SLCO3A1: variants seen among roughly 807,000 people sequenced by gnomAD.
The protein encoded by SLCO3A1 is solute carrier organic anion transporter family member 3A1, also known as PGE1 transporter.
SLCO3A1 carries 27 observed loss-of-function variants against 63.1 expected under a neutral mutation model. That is an observed-to-expected ratio of 0.43 (90% CI 0.32 to 0.59). SLCO3A1 has a LOEUF of 0.59. Ranked by LOEUF, SLCO3A1 falls within the 20% of genes least tolerant of loss-of-function variation. The probability of loss-of-function intolerance (pLI) is 0.09; values close to 1 mark genes in which losing one functional copy is unlikely to be tolerated. For synonymous variants in SLCO3A1, 473 were observed against 409.9 expected (o/e 1.15, Z -1.86); for missense variants, 773 against 945.8 (o/e 0.82, Z 2.40).
chr15:91,939,455 G>C (rs936449044), intron 2 of SLCO3A1, among the ~76,000 whole-genome samples: 1 of 152,166 alleles, frequency 6.6e-6, no homozygotes, highest in African/African-American at 2.4e-5. Flanking sequence ...GAAGAATGTG[G>C]TTCTGCAGCA....
Position 91,875,269 on chromosome 15 carries a change from A to G in SLCO3A1, c.180+21181A>G, listed in dbSNP as rs896385261. On this transcript the variant is annotated intron_variant, in intron 1 of 9. Coordinates refer to ENST00000318445, the MANE Select transcript of SLCO3A1 (RefSeq NM_013272.4). This position sits in a 1 kb window ranked among gnomAD's most constrained non-coding sequence, Gnocchi z 4.5. Reference sequence around the variant, plus strand: ...GTCCCACATTGTAGCTCATTGTAGGAGATCCTAGTTGCACTTCTGTTATGA... The same window carrying G: ...GTCCCACATTGTAGCTCATTGTAGGGGATCCTAGTTGCACTTCTGTTATGA... 4.6e-5 allele frequency among the ~76,000 whole-genome samples: 7 copies of G among 152,112 alleles called. No individual in the cohort carries two copies. Among genetic ancestry groups the G allele is most frequent in the African/African-American group, 1.7e-4 (7 of 41,400 alleles).
chr15:91,963,633 C>T lies in SLCO3A1; in HGVS notation c.646+47175C>T, dbSNP rs1032086939. On this transcript the variant is annotated intron_variant, in intron 2 of 9. Coordinates refer to ENST00000318445, the MANE Select transcript of SLCO3A1 (RefSeq NM_013272.4). ...CTTCAAGAATGAAGCCGTGGACCTT[C>T]GCGGTGAGTGTTACAGTTCTTAAAG... Among the ~76,000 whole-genome samples the T allele has an allele frequency of 4.6e-5, 7 of 152,248 alleles. No homozygotes were observed. In the South Asian group the frequency reaches 6.2e-4, roughly 14 times the overall value.
intron 8 of SLCO3A1, 102 bp from the exon 9 acceptor site, chr15:92,150,844 TAAAG>T (rs1398847381): frequency 1.4e-6 from 1 of 698,894 alleles, no homozygotes; most frequent in African/African-American, 1.8e-5. Context: ...AGTAATTTTC[TAAAG>T]AAGAGCTCTG....
intron 2 of SLCO3A1, among the ~76,000 whole-genome samples, chr15:92,014,836 G>GGA (rs1350277516): frequency 2.0e-5 from 3 of 152,124 alleles, no homozygotes. Context: ...GGCTTGGCAA[G>GGA]GAGACAGAGT....
chr15:91,989,706 A>G (rs1456675611), intron 2 of SLCO3A1, among the ~76,000 whole-genome samples: 1 of 152,242 alleles, frequency 6.6e-6, no homozygotes, highest in Non-Finnish European at 1.5e-5. Flanking sequence ...GAAGAACCAA[A>G]GTATTATTTA....
At chr15:92,088,844 G>T (rs1482169674) in intron 2 of SLCO3A1, among the ~76,000 whole-genome samples, 1 of 152,052 alleles carries the variant, frequency 6.6e-6, no homozygotes, top group Non-Finnish European at 1.5e-5. Context: ...TGGGGACTCT[G>T]CAGTATAATC....
intron 7 of SLCO3A1, among the ~76,000 whole-genome samples, chr15:92,132,219 C>T (rs1410219849): frequency 6.8e-6 from 1 of 146,178 alleles, no homozygotes; most frequent in East Asian, 1.9e-4. Flanking sequence ...CGTGAAAATT[C>T]CCCATAACTC....
chr15:91,931,076 G>A lies in SLCO3A1; in HGVS notation c.646+14618G>A, dbSNP rs139293714. 2.0e-3 allele frequency among the ~76,000 whole-genome samples: 309 copies of A among 152,326 alleles called. 8 individuals are homozygous for A. In the East Asian group the frequency reaches 0.049, roughly 24 times the overall value. On this transcript the variant is annotated intron_variant, in intron 2 of 9. Transcript: ENST00000318445. Reference sequence around the variant, plus strand: ...GAGCTGGAAAATATTGACCAAATGTGCTCAGAAATATTTTACAATTGTGAA... The same window carrying A: ...GAGCTGGAAAATATTGACCAAATGTACTCAGAAATATTTTACAATTGTGAA...
chr15:92,074,927 C>T (rs558284652), intron 2 of SLCO3A1, among the ~76,000 whole-genome samples: 3 of 152,280 alleles, frequency 2.0e-5, no homozygotes, highest in Non-Finnish European at 4.4e-5. Flanking sequence ...GATTCCGGGT[C>T]CTCTGGATGC....
intron 7 of SLCO3A1, among the ~76,000 whole-genome samples, chr15:92,143,423 T>TA (rs1555436602): frequency 3.4e-4 from 1 of 2,974 alleles, no homozygotes; most frequent in African/African-American, 3.4e-3. Context: ...ATATATTATA[T>TA]ATATATAATA....
intron 2 of SLCO3A1, among the ~76,000 whole-genome samples, chr15:91,988,687 G>A (rs2046086709): frequency 6.6e-6 from 1 of 151,472 alleles, no homozygotes; most frequent in Middle Eastern, 3.4e-3. Context: ...TAACTCTAAG[G>A]TGGAGCCTGA....
At position 91,955,721 on chromosome 15, in the gene SLCO3A1, A is replaced by G. The variant is rs558763734; in HGVS notation, c.646+39263A>G. ...TAGGAGCTCATTAGAAATTTGACAC[A>G]TGAAATCATCTTTGTATTCCCTCTT... On this transcript the variant is annotated intron_variant, in intron 2 of 9. Coordinates refer to ENST00000318445, the MANE Select transcript of SLCO3A1 (RefSeq NM_013272.4). 3.2e-4 allele frequency among the ~76,000 whole-genome samples: 49 copies of G among 152,394 alleles called. No individual in the cohort carries two copies. In the East Asian group the frequency reaches 6.0e-3, roughly 19 times the overall value.
chr15:92,025,858 T>C (rs2046567694), intron 2 of SLCO3A1, among the ~76,000 whole-genome samples: 1 of 152,240 alleles, frequency 6.6e-6, no homozygotes, highest in African/African-American at 2.4e-5. Context: ...AAGGGTCCTT[T>C]AGCAGTGGAG....
rs1035371337 is a variant in SLCO3A1 at position 91,916,553 on chromosome 15, G to C, written c.646+95G>C. On this transcript the variant is annotated intron_variant, in intron 2 of 9. Coordinates refer to ENST00000318445, the MANE Select transcript of SLCO3A1 (RefSeq NM_013272.4). The surrounding 1 kb of genome is among the most constrained non-coding windows in gnomAD (Gnocchi z 6.2). ...GGACTTTGATTTTGCCAGAGTACTG[G>C]TTCTCAGACTTGGCTGCACACCTAG... 1.2e-5 allele frequency: 11 copies of C among 927,946 alleles called. No homozygotes were observed. The highest frequency in any genetic ancestry group is 1.6e-5 in the Non-Finnish European group (10 of 619,280). 57.5% of individuals were successfully genotyped at this position (927,946 alleles called of 1,614,324 possible). A position where few individuals can be genotyped will look rare whatever the true frequency, so the allele number is the denominator to read the frequency against.
chr15:92,153,788 C>T (rs80326146), intron 9 of SLCO3A1, among the ~76,000 whole-genome samples: 21,496 of 151,930 alleles, frequency 0.14, 1,657 homozygotes, highest in Middle Eastern at 0.18. Flanking sequence ...GAAGGACTTA[C>T]GGGGTAAAAG....
intron 2 of SLCO3A1, among the ~76,000 whole-genome samples, chr15:91,938,482 G>GTTTTTTTTTTTTTTTTT (rs71156621): frequency 7.3e-6 from 1 of 136,248 alleles, no homozygotes. Flanking sequence ...GGTTTTTTTT[G>GTTTTTTTTTTTTTTTTT]TTTTTTTTTT....
In SLCO3A1 at chr15:92,162,922, G is replaced by A. The variant is rs1350318882; in HGVS notation, c.1920G>A (p.Leu640=). ...AIALKSFAFI[L]YTTTWQCLRK... is the part of the protein sequence containing the mutation. ...CGCTCAAATCCTTCGCCTTCATCCT[G>A]TACACCACCACGTGGCAGTGCCTGA... Residue 640 remains leucine (L), a synonymous_variant, in exon 10 of 10, where the codon CTG becomes CTA. Coordinates refer to ENST00000318445, the MANE Select transcript of SLCO3A1 (RefSeq NM_013272.4). The A allele has an allele frequency of 1.2e-6, 2 of 1,614,138 alleles. No homozygotes were observed. Among genetic ancestry groups the A allele is most frequent in the Admixed American group, 1.7e-5 (1 of 60,030 alleles).
rs1897072358 is a variant in SLCO3A1 at position 91,862,515 on chromosome 15, C to A, written c.180+8427C>A. 6.6e-6 allele frequency among the ~76,000 whole-genome samples: 1 copy of A among 152,170 alleles called. No individual in the cohort carries two copies. The highest frequency in any genetic ancestry group is 1.5e-5 in the Non-Finnish European group (1 of 68,032). ...CAGTGATGGGACTACCACATTTGTT[C>A]TGCCAGGTTGTCCTTTGGGACAACT... On this transcript the variant is annotated intron_variant, in intron 1 of 9. Transcript: ENST00000318445. This position sits in a 1 kb window ranked among gnomAD's most constrained non-coding sequence, Gnocchi z 4.0.
chr15:92,122,104 GC>G (rs1218845581), intron 5 of SLCO3A1, among the ~76,000 whole-genome samples: 1 of 152,198 alleles, frequency 6.6e-6, no homozygotes, highest in Non-Finnish European at 1.5e-5. Context: ...AAAGACTTGA[GC>G]AGGTTTCTCA....
Sources: gnomAD v4.1 joint callset for allele counts (sites outside exome capture counted in the v4.1 genomes callset) on GRCh38, gnomAD v4.1.1 for gene constraint, Gnocchi (gnomAD v3.1) non-coding constraint, MANE v1.5 for transcripts, NCBI Gene and HGNC (gene_info 2026-07-23, HGNC 2026-07-21) for gene names.